VPS13C: variants seen among roughly 807,000 people sequenced by gnomAD.
VPS13C encodes the protein vacuolar protein sorting 13 homolog C.
In VPS13C, 358 loss-of-function variants were observed where a neutral mutation model predicts 456.8. The observed-to-expected ratio is 0.78, with a 90% CI of 0.72 to 0.86. The LOEUF is 0.86. Ranked by LOEUF, VPS13C falls within the 40% of genes least tolerant of loss-of-function variation. The probability of loss-of-function intolerance (pLI) is 0.00; values close to 1 mark genes in which losing one functional copy is unlikely to be tolerated. For missense variants in VPS13C, 4,818 were observed against 4,385.4 expected (o/e 1.10, Z -2.79); for synonymous variants, 1,578 against 1,486.7 (o/e 1.06, Z -1.41).
chr15:61,913,124 G>A (rs957576624), intron 62 of VPS13C, among the ~76,000 whole-genome samples, 187 bp downstream of exon 62: 2 of 150,776 alleles, frequency 1.3e-5, no homozygotes, highest in African/African-American at 4.9e-5. Flanking sequence ...TCAGTGTGGC[G>A]ATTCCTCAGG....
At chr15:61,997,850 C>G (rs1385885453) in intron 16 of VPS13C, among the ~76,000 whole-genome samples, 2 of 152,178 alleles carry the variant, frequency 1.3e-5, no homozygotes, top group Admixed American at 6.5e-5. Flanking sequence ...TCTTGCCTTC[C>G]TTCCTACAGT....
At chr15:61,956,195 G>A (rs2044989469) in intron 37 of VPS13C, among the ~76,000 whole-genome samples, 1 of 152,034 alleles carries the variant, frequency 6.6e-6, no homozygotes, top group Admixed American at 6.6e-5. Flanking sequence ...TGGAGCTGGA[G>A]GCCATCATCC....
chr15:61,906,177 G>A (rs1273611922), intron 66 of VPS13C, among the ~76,000 whole-genome samples: 1 of 152,046 alleles, frequency 6.6e-6, no homozygotes, highest in Non-Finnish European at 1.5e-5. Context: ...GAACTCCCCT[G>A]TCATGTCCAC....
intron 27 of VPS13C, among the ~76,000 whole-genome samples, chr15:61,971,438 T>G (rs1369898761): frequency 6.6e-6 from 1 of 152,094 alleles, no homozygotes; most frequent in Non-Finnish European, 1.5e-5. Context: ...ATTTTGTATT[T>G]TTAGTAGAGA....
intron 38 of VPS13C, 150 bp downstream of exon 38, chr15:61,954,271 A>T (rs1441586096): frequency 2.6e-6 from 2 of 780,816 alleles, no homozygotes; most frequent in Non-Finnish European, 3.9e-6. Context: ...TCCTTAACAA[A>T]CTTTCAATTT....
chr15:61,917,952 C>G (rs556647385), intron 59 of VPS13C, among the ~76,000 whole-genome samples, 184 bp downstream of exon 59: 42 of 152,102 alleles, frequency 2.8e-4, no homozygotes, highest in African/African-American at 9.6e-4. Flanking sequence ...ATCAAATATA[C>G]AGTCAGGAAT....
intron 48 of VPS13C, among the ~76,000 whole-genome samples, chr15:61,935,091 T>C (rs1223786741): frequency 6.6e-6 from 1 of 152,162 alleles, no homozygotes; most frequent in African/African-American, 2.4e-5. Context: ...TCCATTTTCT[T>C]TATCAGAAGA....
Position 61,984,837 on chromosome 15 carries a change from A to G in VPS13C, c.1721+20T>C, listed in dbSNP as rs749136763. ...ACTATAACTAAAAGTAAAAATTGAA[A>G]TAAGTTTTTAAAAACTTACTTAAGT... On this transcript the variant is annotated intron_variant, in intron 19 of 84. Coordinates refer to ENST00000644861, the MANE Select transcript of VPS13C (RefSeq NM_020821.3). 3.1e-6 allele frequency: 5 copies of G among 1,609,418 alleles called. No individual in the cohort carries two copies. The highest frequency in any genetic ancestry group is 1.1e-5 in the South Asian group (1 of 90,258).
intron 66 of VPS13C, chr15:61,906,947 T>G (rs78334630): frequency 1.1e-5 from 3 of 282,474 alleles, no homozygotes; most frequent in Non-Finnish European, 1.4e-5. Context: ...CATAGGTATG[T>G]TCAAAATAAA....
At chr15:62,003,293 A>G (rs9920390) in intron 15 of VPS13C, among the ~76,000 whole-genome samples, 11,296 of 150,122 alleles carry the variant, frequency 0.075, 991 homozygotes, top group African/African-American at 0.2. Context: ...TGTGAATGGG[A>G]ATTCACTCAT....
intron 3 of VPS13C, among the ~76,000 whole-genome samples, 200 bp from the exon 4 acceptor site, chr15:62,035,252 T>C (rs1046657763): frequency 8.6e-5 from 13 of 152,024 alleles, no homozygotes; most frequent in African/African-American, 3.1e-4. Flanking sequence ...AGTCACATTG[T>C]AATTTTTATT....
intron 5 of VPS13C, among the ~76,000 whole-genome samples, chr15:62,030,775 C>T (rs1016757549): frequency 2.0e-5 from 3 of 151,826 alleles, no homozygotes; most frequent in African/African-American, 7.2e-5. Flanking sequence ...CTAGATAATG[C>T]CTTATGTTAA....
At chr15:61,948,638 A>C (rs1481460302) in intron 42 of VPS13C, among the ~76,000 whole-genome samples, 1 of 151,952 alleles carries the variant, frequency 6.6e-6, no homozygotes, top group African/African-American at 2.4e-5. Flanking sequence ...AGCCAAGATC[A>C]CATCACTGCA....
chr15:62,002,128 C>G (rs1388889198), intron 15 of VPS13C, among the ~76,000 whole-genome samples: 2 of 152,174 alleles, frequency 1.3e-5, no homozygotes, highest in Admixed American at 1.3e-4. Flanking sequence ...AGTTTACAGT[C>G]CCACCAACAG....
intron 1 of VPS13C, among the ~76,000 whole-genome samples, chr15:62,045,635 A>AT (rs895019927): frequency 1.6e-4 from 24 of 152,150 alleles, no homozygotes; most frequent in African/African-American, 5.8e-4. Context: ...AAAGAGATAA[A>AT]ATATATATAA....
At chr15:61,940,893 G>C (rs2044398498) in intron 46 of VPS13C, 99 bp from the exon 47 acceptor site, 1 of 1,180,140 alleles carries the variant, frequency 8.5e-7, no homozygotes. Flanking sequence ...TTTCATAAAG[G>C]CTAAAAGCTG....
chr15:61,931,328 TA>T, intron 49 of VPS13C, 69 bp from the exon 50 acceptor site: 1 of 1,425,066 alleles, frequency 7.0e-7, no homozygotes. Flanking sequence ...TTAAACATAT[TA>T]CTTAATTCAA....
In VPS13C at chr15:61,991,723, C is replaced by G; in HGVS notation, c.1433G>C (p.Trp478Ser). 6.2e-7 allele frequency: 1 copy of G among 1,613,516 alleles called. No individual in the cohort carries two copies. Residue 478 changes from tryptophan (W) to serine (S), a missense_variant, in exon 17 of 85, where the codon TGG becomes TCG. Coordinates refer to ENST00000644861, the MANE Select transcript of VPS13C (RefSeq NM_020821.3). ...EKRGGWFSGL[W>S]GKKESKKKDE... ...CTTTTTCTTAGACTCTTTCTTACCC[C>G]ACAACCCACTAAACCAGCCTCCACG...
intron 48 of VPS13C, chr15:61,935,329 G>T (rs780858011): frequency 6.6e-6 from 1 of 152,042 alleles, no homozygotes; most frequent in Non-Finnish European, 1.5e-5. Flanking sequence ...TCATACTATA[G>T]AACAGTCTGT....
Sources: allele counts gnomAD v4.1 joint callset (sites outside exome capture counted in the v4.1 genomes callset), GRCh38; gene constraint gnomAD v4.1.1; transcripts MANE v1.5; gene names NCBI Gene and HGNC (gene_info 2026-07-23, HGNC 2026-07-21).